LAMA5: variants seen among roughly 807,000 people sequenced by gnomAD.
LAMA5 encodes the protein laminin subunit alpha 5.
LAMA5 carries 260 observed loss-of-function variants against 433.4 expected under a neutral mutation model. The observed-to-expected ratio is 0.60, with a 90% CI of 0.54 to 0.66. The LOEUF (loss-of-function observed/expected upper bound fraction) is 0.66, where lower values mean the gene tolerates loss of function less well. LAMA5 is among the 30% of genes least tolerant of loss of function. The pLI, the probability that LAMA5 is intolerant of heterozygous loss-of-function variation, is 0.00. For synonymous variants in LAMA5, 2,620 were observed against 2,226.6 expected, an observed-to-expected ratio of 1.18 and a Z score of -4.97; for missense variants, 5,378 against 5,258.5, an observed-to-expected ratio of 1.02 and a Z score of -0.70.
In LAMA5 at chr20:62,309,708, G is replaced by T. The variant is rs368939161; in HGVS notation, c.10948+8C>A. The T allele has an allele frequency of 6.3e-7, 1 of 1,590,062 alleles. No individual in the cohort carries two copies. The highest frequency in any genetic ancestry group is 8.5e-7 in the Non-Finnish European group (1 of 1,172,840). ...AGCTCCCCCACCCTTGATCAAGGCC[G>T]CACTCACCAGGCAGGCCCCCGAGGT... On this transcript the variant is annotated splice_region_variant and intron_variant, in intron 79 of 79. Transcript: ENST00000252999.
chr20:62,334,644 C>T, intron 20 of LAMA5, 23 bp from the exon 21 acceptor site: 1 of 1,535,328 alleles, frequency 6.5e-7, no homozygotes, highest in Non-Finnish European at 8.8e-7. Context: ...GGTGGGAGGT[C>T]AGAGGCTGCC....
Position 62,338,089 on chromosome 20 carries a change from T to A in LAMA5, c.1818A>T (p.Leu606=). 1 of 1,604,222 alleles carries A rather than the reference T, an allele frequency of 6.2e-7. No individual in the cohort carries two copies. Among genetic ancestry groups the A allele is most frequent in the South Asian group, 1.1e-5 (1 of 89,936 alleles). Residue 606 remains leucine, a synonymous_variant, in exon 14 of 80, where the codon CTA becomes CTT. Coordinates refer to ENST00000252999, the MANE Select transcript of LAMA5 (RefSeq NM_005560.6). ...PEGCDEAGRC[L]CQPEFAGPHC... ...GAGGTCCAGCAAACTCAGGCTGGCA[T>A]AGGCAGCGGCCGGCCTCATCGCAGC...
Position 62,362,529 on chromosome 20 carries a change from C to A in LAMA5, c.321G>T (p.Thr107=). 2 of 1,597,506 alleles carry A rather than the reference C, an allele frequency of 1.3e-6. No homozygotes were observed. Among genetic ancestry groups the A allele is most frequent in the South Asian group, 1.1e-5 (1 of 89,368 alleles). Residue 107 remains threonine, a synonymous_variant, in exon 2 of 80, where the codon ACG becomes ACT. Transcript: ENST00000252999. ...TIRGQYCDIC[T]AANSNKAHPA... Reference sequence around the variant, plus strand: ...GGTGTGCCTTGTTGCTGTTGGCAGCCGTGCAGATGTCACAGTACTGGCCCT... The same window carrying A: ...GGTGTGCCTTGTTGCTGTTGGCAGCAGTGCAGATGTCACAGTACTGGCCCT...
intron 10 of LAMA5, 23 bp from the exon 11 acceptor site, chr20:62,345,900 T>C: frequency 6.4e-7 from 1 of 1,557,590 alleles, no homozygotes. Context: ...GACACGCATG[T>C]TGGCCAGGTC....
In LAMA5 at chr20:62,328,339, G is replaced by C; in HGVS notation, c.4554C>G (p.Gly1518=). The C allele has an allele frequency of 6.2e-7, 1 of 1,600,896 alleles. No individual in the cohort carries two copies. Among genetic ancestry groups the C allele is most frequent in the Non-Finnish European group, 8.5e-7 (1 of 1,174,422 alleles). Residue 1518 remains glycine, a synonymous_variant, in exon 35 of 80, where the codon GGC becomes GGG. Coordinates refer to ENST00000252999, the MANE Select transcript of LAMA5 (RefSeq NM_005560.6). ...DCLLCQPQTF[G]CHPLVGCEEC... is the part of the protein sequence containing the mutation. ...CCTCACAGCCGACCAGGGGGTGGCA[G>C]CCAAAGGTCTGGGGCTGGCACAGCA...
chr20:62,337,447 C>G, intron 16 of LAMA5, 143 bp downstream of exon 16: 2 of 1,159,736 alleles, frequency 1.7e-6, no homozygotes, highest in Non-Finnish European at 2.5e-6. Context: ...GAACAAGGTG[C>G]GAACACAGAG....
Position 62,324,338 on chromosome 20 carries a change from C to T in LAMA5, c.5643+103G>A. On this transcript the variant is annotated intron_variant, in intron 42 of 79. Coordinates refer to ENST00000252999, the MANE Select transcript of LAMA5 (RefSeq NM_005560.6). The surrounding 1 kb of genome is among the most constrained non-coding windows in gnomAD (Gnocchi z 4.4). Reference sequence around the variant, plus strand: ...TCCCCCACTGGGCAACACCCTTCCCCAGACCTCAGTTGACCTGGAAGTGCA... The same window carrying T: ...TCCCCCACTGGGCAACACCCTTCCCTAGACCTCAGTTGACCTGGAAGTGCA... 1 of 1,434,002 alleles carries T rather than the reference C, an allele frequency of 7.0e-7. No individual in the cohort carries two copies. The highest frequency in any genetic ancestry group is 9.6e-7 in the Non-Finnish European group (1 of 1,042,488). The allele number at this position is 1,434,002 out of a possible 1,614,324, so 88.8% of individuals were successfully genotyped here.
chr20:62,321,700 G>A (rs1162606527), intron 48 of LAMA5, among the ~76,000 whole-genome samples: 1 of 115,200 alleles, frequency 8.7e-6, no homozygotes, highest in East Asian at 2.8e-4. Flanking sequence ...GTCAGTGGGG[G>A]AGGCAGGGCC....
In LAMA5 at chr20:62,334,188, G is replaced by A; in HGVS notation, c.2737C>T (p.Gln913Ter). The change falls in exon 22 of 80, where the codon CAG (glutamine) becomes TAG (stop). Residue 913 changes from glutamine (Q) to a stop codon, truncating the protein, a stop_gained and splice_region_variant. Transcript: ENST00000252999. LOFTEE classifies it high-confidence loss of function. ...GGGAGGGGGAGCACAGCGCCCACCT[G>A]GACAGGTGCCATCTGCGCGTAGCCC... ...WRGYAQMAPV[Q>*]PRIVARLNLT... 4 of 1,612,392 alleles carry A rather than the reference G, an allele frequency of 2.5e-6. No individual in the cohort carries two copies. The highest frequency in any genetic ancestry group is 1.1e-5 in the South Asian group (1 of 91,038).
intron 56 of LAMA5, 26 bp from the exon 57 acceptor site, chr20:62,316,799 C>T (rs368036496): frequency 1.4e-4 from 222 of 1,581,140 alleles, no homozygotes; most frequent in Non-Finnish European, 1.9e-4. Context: ...CAGACCGTGG[C>T]TCAGACACGC....
Position 62,320,592 on chromosome 20 carries a change from GCT to G in LAMA5, c.6724_6725del (p.Ser2242ProfsTer68), listed in dbSNP as rs746724184. ...CTAGCCGCCGTGCGTCCTGCCCGAGGCTTGTGCTCTGCTGCTCCAGCACCTCC... is the reference window on the plus strand; with the variant it reads ...CTAGCCGCCGTGCGTCCTGCCCGAGGTGTGCTCTGCTGCTCCAGCACCTCC... ...QLEVLEQQST[S>X]LGQDARRLGG... On this transcript the variant is annotated frameshift_variant, in exon 50 of 80. Coordinates refer to ENST00000252999, the MANE Select transcript of LAMA5 (RefSeq NM_005560.6). LOFTEE classifies it high-confidence loss of function. 14 of 1,605,316 alleles carry G rather than the reference GCT, an allele frequency of 8.7e-6. No individual in the cohort carries two copies. Among genetic ancestry groups the G allele is most frequent in the Non-Finnish European group, 1.0e-5 (12 of 1,178,864 alleles).
chr20:62,327,192 C>T (rs746852418), intron 38 of LAMA5, 41 bp downstream of exon 38: 5 of 1,457,768 alleles, frequency 3.4e-6, no homozygotes, highest in Middle Eastern at 2.0e-4. Context: ...GCGTCCTGGC[C>T]ATCCTCAAAG....
Position 62,309,139 on chromosome 20 carries a change from T to C in LAMA5, c.*197A>G, listed in dbSNP as rs1985764574. The C allele has an allele frequency of 1.6e-6, 1 of 636,350 alleles. No individual in the cohort carries two copies. The highest frequency in any genetic ancestry group is 3.4e-5 in the Admixed American group (1 of 29,384). 39.4% of individuals were successfully genotyped at this position (636,350 alleles called of 1,614,324 possible). A position where few individuals can be genotyped will look rare whatever the true frequency, so the allele number is the denominator to read the frequency against. On this transcript the variant is annotated 3_prime_UTR_variant, in exon 80 of 80. Transcript: ENST00000252999. ...GTGACAAATCTCTCACAATTAAAAA[T>C]GGGTGGAAGGGCCAAATATAAAAAC...
intron 54 of LAMA5, 33 bp from the exon 55 acceptor site, chr20:62,317,532 G>A (rs781010217): frequency 2.0e-6 from 3 of 1,528,632 alleles, no homozygotes; most frequent in African/African-American, 2.8e-5. Flanking sequence ...CCCTCATCCT[G>A]CTCACAGCCA....
At chr20:62,327,698 C>T (rs777719129) in intron 36 of LAMA5, 29 bp from the exon 37 acceptor site, 39 of 1,604,360 alleles carry the variant, frequency 2.4e-5, no homozygotes, top group South Asian at 2.4e-4. Flanking sequence ...TGAGAGTGGT[C>T]GGCAGGTGCC....
chr20:62,319,614 G>A, intron 51 of LAMA5, 70 bp downstream of exon 51: 2 of 1,149,740 alleles, frequency 1.7e-6, no homozygotes, highest in East Asian at 2.6e-5. Context: ...AGCTCGGCCA[G>A]GCACCCCCAC....
At chr20:62,337,162 TGA>T (rs1418259911) in intron 16 of LAMA5, among the ~76,000 whole-genome samples, 1 of 151,636 alleles carries the variant, frequency 6.6e-6, no homozygotes, top group African/African-American at 2.4e-5. Flanking sequence ...CACCCACACT[TGA>T]GACACGCGAT....
Position 62,330,470 on chromosome 20 carries a change from C to A in LAMA5, c.3979+18G>T, listed in dbSNP as rs1980147744. 1 of 1,530,316 alleles carries A rather than the reference C, an allele frequency of 6.5e-7. No individual in the cohort carries two copies. Among genetic ancestry groups the A allele is most frequent in the Non-Finnish European group, 8.8e-7 (1 of 1,135,920 alleles). The allele number at this position is 1,530,316 out of a possible 1,614,324, so 94.8% of individuals were successfully genotyped here. A position where few individuals can be genotyped will look rare whatever the true frequency, so the allele number is the denominator to read the frequency against. On this transcript the variant is annotated intron_variant, in intron 31 of 79. Transcript: ENST00000252999. ...ATCGTGTGTGGTAGCCTCTCCACCC[C>A]CCACACCAGACACTCACCCTGCCAC...
chr20:62,335,332 C>G (rs1382520737), intron 18 of LAMA5, 63 bp from the exon 19 acceptor site: 2 of 1,565,138 alleles, frequency 1.3e-6, no homozygotes, highest in African/African-American at 2.7e-5. Flanking sequence ...TCCAGCCCCC[C>G]GAGGAACCCC....
Sources: gnomAD v4.1 joint callset for allele counts (sites outside exome capture counted in the v4.1 genomes callset) on GRCh38, gnomAD v4.1.1 for gene constraint, Gnocchi (gnomAD v3.1) non-coding constraint, MANE v1.5 for transcripts, NCBI Gene and HGNC (gene_info 2026-07-23, HGNC 2026-07-21) for gene names.